CCSER1: variants seen among roughly 807,000 people sequenced by gnomAD.
CCSER1 encodes the protein serine-rich coiled-coil domain-containing protein 1.
In CCSER1, 41 loss-of-function variants were observed where a neutral mutation model predicts 82.0. The ratio of observed to expected loss-of-function variants is 0.50; its 90% CI spans 0.39 to 0.65. The LOEUF (loss-of-function observed/expected upper bound fraction) is 0.65, where lower values mean the gene tolerates loss of function less well. Among genes scored for constraint, CCSER1 ranks in the 30% least tolerant of loss-of-function variants. The probability of loss-of-function intolerance (pLI) is 0.00; values close to 1 mark genes in which losing one functional copy is unlikely to be tolerated. For missense variants in CCSER1, 1,119 were observed against 1,064.2 expected (o/e 1.05, Z -0.72); for synonymous variants, 414 against 383.9 (o/e 1.08, Z -0.92).
chr4:90,276,108 G>C (rs969871034), intron 1 of CCSER1, among the ~76,000 whole-genome samples: 2 of 151,918 alleles, frequency 1.3e-5, no homozygotes, highest in South Asian at 2.1e-4. Context: ...GATATTTGAT[G>C]AGTCTCAATG....
chr4:90,490,696 A>G (rs1767869890), intron 5 of CCSER1, among the ~76,000 whole-genome samples: 1 of 151,968 alleles, frequency 6.6e-6, no homozygotes, highest in African/African-American at 2.4e-5. Flanking sequence ...ATTAATTTTT[A>G]TATAAGGTTT....
At chr4:91,530,991 T>C (rs975575342) in intron 10 of CCSER1, among the ~76,000 whole-genome samples, 2 of 152,060 alleles carry the variant, frequency 1.3e-5, no homozygotes, top group African/African-American at 4.8e-5. Context: ...CCGGCAAAAA[T>C]TGTATATTTC....
At chr4:90,484,952 T>A (rs1201622422) in intron 5 of CCSER1, among the ~76,000 whole-genome samples, 1 of 152,224 alleles carries the variant, frequency 6.6e-6, no homozygotes, top group Non-Finnish European at 1.5e-5. Flanking sequence ...GTCTTTTGTT[T>A]GTCTGTGCCC....
intron 10 of CCSER1, among the ~76,000 whole-genome samples, chr4:91,382,071 G>T (rs1750940675): frequency 6.6e-6 from 1 of 152,140 alleles, no homozygotes; most frequent in Non-Finnish European, 1.5e-5. Context: ...CCGAACAGTG[G>T]ATATTGCTGA....
At chr4:91,128,790 A>G (rs1727735565) in intron 10 of CCSER1, among the ~76,000 whole-genome samples, 1 of 152,080 alleles carries the variant, frequency 6.6e-6, no homozygotes, top group African/African-American at 2.4e-5. Context: ...AAATACAGTT[A>G]GACTAGAGCA....
intron 9 of CCSER1, among the ~76,000 whole-genome samples, chr4:90,928,507 C>A (rs1729339904): frequency 6.6e-6 from 1 of 151,978 alleles, no homozygotes; most frequent in Non-Finnish European, 1.5e-5. Flanking sequence ...CTGGTGAGGG[C>A]ATACTTAAAA....
At chr4:91,263,703 G>C (rs1581865955) in intron 10 of CCSER1, among the ~76,000 whole-genome samples, 1 of 151,954 alleles carries the variant, frequency 6.6e-6, no homozygotes, top group South Asian at 2.1e-4. Context: ...TATCCATAAA[G>C]AGAAAGTAAA....
intron 9 of CCSER1, among the ~76,000 whole-genome samples, chr4:90,943,401 G>T (rs1342206700): frequency 6.6e-6 from 1 of 152,012 alleles, no homozygotes; most frequent in Non-Finnish European, 1.5e-5. Flanking sequence ...ACAGCCTTTC[G>T]GTTGTAGCTA....
At chr4:90,962,353 C>T (rs1041296410) in intron 9 of CCSER1, among the ~76,000 whole-genome samples, 2 of 152,042 alleles carry the variant, frequency 1.3e-5, no homozygotes, top group African/African-American at 4.8e-5. Flanking sequence ...TGCAATATCA[C>T]AGTCAAAACC....
chr4:91,084,517 G>A (rs72667601), intron 9 of CCSER1, among the ~76,000 whole-genome samples: 6,267 of 143,982 alleles, frequency 0.044, 187 homozygotes, highest in Middle Eastern at 0.071. Flanking sequence ...AATTATGTCA[G>A]TCTGAATTCA....
chr4:91,136,873 C>A (rs1360390074), intron 10 of CCSER1, among the ~76,000 whole-genome samples: 3 of 152,140 alleles, frequency 2.0e-5, no homozygotes, highest in African/African-American at 4.8e-5. Context: ...CTGGCTATGA[C>A]ACACACATTT....
chr4:91,008,297 A>G (rs945418121), intron 9 of CCSER1, among the ~76,000 whole-genome samples: 6 of 152,204 alleles, frequency 3.9e-5, no homozygotes, highest in Non-Finnish European at 8.8e-5. Context: ...TCTGGTTGAC[A>G]GTGGAATACT....
chr4:91,244,330 TG>T (rs1199606013), intron 10 of CCSER1, among the ~76,000 whole-genome samples: 3 of 152,164 alleles, frequency 2.0e-5, no homozygotes, highest in South Asian at 2.1e-4. Flanking sequence ...GCTCCAAGCC[TG>T]GGGGAACTTA....
chr4:91,576,631 T>C (rs74451184), intron 10 of CCSER1, among the ~76,000 whole-genome samples: 14,651 of 152,094 alleles, frequency 0.096, 960 homozygotes, highest in Middle Eastern at 0.2. Context: ...ATATACATAA[T>C]GATATATTTT....
chr4:90,640,036 G>C lies in CCSER1; in HGVS notation c.1932+11804G>C, dbSNP rs150440694. Among the ~76,000 whole-genome samples the C allele has an allele frequency of 2.6e-5, 4 of 152,204 alleles. No homozygotes were observed. The East Asian group carries it at 7.7e-4, about 29-fold the overall frequency. ...CTAAGAGCATAGTGTCTTTCAAAAA[G>C]CCAAGAGAAAATATTGCTTCAAGAA... On this transcript the variant is annotated intron_variant, in intron 6 of 10. Coordinates refer to ENST00000509176, the MANE Select transcript of CCSER1 (RefSeq NM_001145065.2).
rs1561384936 is a variant in CCSER1 at position 90,932,976 on chromosome 4, A to AG, written c.2172+9529_2172+9530insG. ...AAAGAAAGAAAGAAAGAAAGAAAGA[A>AG]AGAAAGAGAAAGAAAGAAAGAAAGA... On this transcript the variant is annotated intron_variant, in intron 9 of 10. Transcript: ENST00000509176. Among the ~76,000 whole-genome samples, 6 of 38,706 alleles carry AG rather than the reference A, an allele frequency of 1.6e-4. 2 individuals are homozygous for AG. The highest frequency in any genetic ancestry group is 1.4e-3 in the South Asian group (2 of 1,470). The allele number at this position is 38,706 out of a possible 152,430, so 25.4% of individuals were successfully genotyped here.
intron 8 of CCSER1, among the ~76,000 whole-genome samples, chr4:90,841,393 A>G (rs1049457553): frequency 1.3e-5 from 2 of 152,016 alleles, no homozygotes; most frequent in African/African-American, 2.4e-5. Context: ...CCTGGCTAAC[A>G]CAATGAAACC....
At chr4:91,227,750 T>C (rs981425166) in intron 10 of CCSER1, among the ~76,000 whole-genome samples, 12 of 151,902 alleles carry the variant, frequency 7.9e-5, no homozygotes, top group African/African-American at 1.2e-4. Context: ...GTCTCACTTA[T>C]ATGTGAAAAC....
intron 10 of CCSER1, among the ~76,000 whole-genome samples, chr4:91,210,840 A>G (rs892550246): frequency 6.6e-6 from 1 of 151,928 alleles, no homozygotes; most frequent in African/African-American, 2.4e-5. Context: ...CCGATGTCAC[A>G]TAAGAAGTTG....
Sources: gnomAD v4.1 joint callset for allele counts (sites outside exome capture counted in the v4.1 genomes callset) on GRCh38, gnomAD v4.1.1 for gene constraint, MANE v1.5 for transcripts, NCBI Gene and HGNC (gene_info 2026-07-23, HGNC 2026-07-21) for gene names.